Variants in STX8 observed in about 807,000 individuals in gnomAD.
STX8 encodes the protein syntaxin 8, also known as syntaxin-8.
A neutral mutation model predicts 37.5 loss-of-function variants in STX8; 23 were observed. The ratio of observed to expected loss-of-function variants is 0.61; its 90% confidence interval spans 0.44 to 0.87. The LOEUF (loss-of-function observed/expected upper bound fraction) is 0.87, where lower values mean the gene tolerates loss of function less well. Among genes scored for constraint, STX8 ranks in the 40% least tolerant of loss-of-function variants. The probability of loss-of-function intolerance (pLI) is 0.00; values close to 1 mark genes in which losing one functional copy is unlikely to be tolerated. For missense variants in STX8, 313 were observed against 284.7 expected (o/e 1.10, Z -0.71); for synonymous variants, 115 against 99.1 (o/e 1.16, Z -0.95).
Position 9,507,306 on chromosome 17 carries a change from A to G in STX8, c.324-2144T>C, listed in dbSNP as rs149733324. ...AGGCCAGCCAAGTAGCCATGTGTCC[A>G]TATCTCAGGCCTGAAAAACAGCCCA... On this transcript the variant is annotated intron_variant, in intron 4 of 7. Transcript: ENST00000306357. The surrounding 1 kb of genome is among the most constrained non-coding windows in gnomAD (Gnocchi z 4.0). Among the ~76,000 whole-genome samples, 598 of 152,052 alleles carry G rather than the reference A, an allele frequency of 3.9e-3. 4 individuals carry two copies. The highest frequency in any genetic ancestry group is 4.6e-3 in the Non-Finnish European group (315 of 67,968).
chr17:9,332,873 G>A (rs553800342), intron 7 of STX8, among the ~76,000 whole-genome samples: 52 of 152,212 alleles, frequency 3.4e-4, no homozygotes, highest in Non-Finnish European at 1.3e-4. Context: ...CACCCAAGAC[G>A]TATTTGCCTA....
At chr17:9,525,321 G>GCCC (rs1905518262) in intron 4 of STX8, among the ~76,000 whole-genome samples, 3 of 151,468 alleles carry the variant, frequency 2.0e-5, no homozygotes, top group Admixed American at 2.0e-4. Flanking sequence ...TCCCCCCACT[G>GCCC]CCCACATTGA....
At chr17:9,548,761 A>C (rs747676017) in intron 3 of STX8, among the ~76,000 whole-genome samples, 11 of 152,208 alleles carry the variant, frequency 7.2e-5, no homozygotes, top group Non-Finnish European at 1.3e-4. Context: ...ATTAAACCAA[A>C]GGAGGGGAAA....
rs372149421 is a variant in STX8 at position 9,428,235 on chromosome 17, CTTTTG to C, written c.542-49587_542-49583del. The stretch of plus-strand genomic sequence containing the variant: ...TATTCTACTTAGTCACCAGAAATGA[CTTTTG>C]TTTTGTTTTGTTTTGTTTTGAGATG... On this transcript the variant is annotated intron_variant, in intron 6 of 7. Transcript: ENST00000306357. Among the ~76,000 whole-genome samples, 1,509 of 152,086 alleles carry C rather than the reference CTTTTG, an allele frequency of 9.9e-3. 12 individuals are homozygous for C. The highest frequency in any genetic ancestry group is 0.014 in the Middle Eastern group (4 of 294).
At chr17:9,450,285 A>G (rs2142401100) in intron 6 of STX8, among the ~76,000 whole-genome samples, 1 of 151,594 alleles carries the variant, frequency 6.6e-6, no homozygotes, top group Non-Finnish European at 1.5e-5. Context: ...CATGTTGGCC[A>G]GGCTGGTCTC....
chr17:9,373,870 C>G (rs1911494975), intron 7 of STX8, among the ~76,000 whole-genome samples: 1 of 148,978 alleles, frequency 6.7e-6, no homozygotes, highest in Non-Finnish European at 1.5e-5. Context: ...ACCCGGAAGG[C>G]AGAGGTTGCA....
At chr17:9,520,986 T>C (rs1289997169) in intron 4 of STX8, among the ~76,000 whole-genome samples, 1 of 152,226 alleles carries the variant, frequency 6.6e-6, no homozygotes, top group Non-Finnish European at 1.5e-5. Context: ...TCTGCAAAGC[T>C]TCGTAACTAG....
intron 3 of STX8, chr17:9,547,246 C>CAAAAAAAAAAAAAAAAAAAAAAAAAA (rs11300957): frequency 5.4e-5 from 7 of 129,634 alleles, no homozygotes; most frequent in African/African-American, 2.1e-4. Context: ...GACTCTGTCT[C>CAAAAAAAAAAAAAAAAAAAAAAAAAA]AAAAAAAAAA....
chr17:9,547,627 CAA>C (rs11377271), intron 3 of STX8, among the ~76,000 whole-genome samples: 1 of 53,296 alleles, frequency 1.9e-5, no homozygotes, highest in Non-Finnish European at 3.3e-5. Flanking sequence ...GACTCCGTCT[CAA>C]AAAAAAAAAA....
rs757411419 is a variant in STX8 at position 9,471,031 on chromosome 17, C to CTTT, written c.541+20795_541+20797dup. ...TACAGGCGTGAGCCACTGCATCCTG[C>CTTT]TTTTTTTTTTTTTTTTTTTTTTTGA... On this transcript the variant is annotated intron_variant, in intron 6 of 7. Transcript: ENST00000306357. 7.7e-3 allele frequency among the ~76,000 whole-genome samples: 253 copies of CTTT among 33,042 alleles called. 59 individuals carry two copies. Among genetic ancestry groups the CTTT allele is most frequent in the Middle Eastern group, 0.077 (2 of 26 alleles). 21.7% of individuals were successfully genotyped at this position (33,042 alleles called of 152,430 possible).
intron 4 of STX8, among the ~76,000 whole-genome samples, chr17:9,542,384 C>A (rs1190265123): frequency 6.8e-6 from 1 of 146,744 alleles, no homozygotes; most frequent in East Asian, 2.1e-4. Flanking sequence ...AAAACAACAA[C>A]AAAAAAACAA....
intron 6 of STX8, among the ~76,000 whole-genome samples, chr17:9,433,258 T>C (rs1332459271): frequency 1.3e-5 from 2 of 152,224 alleles, no homozygotes; most frequent in African/African-American, 4.8e-5. Flanking sequence ...CTCCTTCACT[T>C]ATGATGAGCT....
At chr17:9,412,281 ATT>A (rs529582626) in intron 6 of STX8, among the ~76,000 whole-genome samples, 4 of 144,270 alleles carry the variant, frequency 2.8e-5, no homozygotes, top group African/African-American at 2.5e-5. Context: ...CACAGCAGCA[ATT>A]TTTTTTTTTT....
intron 7 of STX8, 65 bp from the exon 8 acceptor site, chr17:9,250,710 G>A: frequency 6.8e-7 from 1 of 1,478,664 alleles, no homozygotes; most frequent in African/African-American, 1.4e-5. Flanking sequence ...CACACATTCT[G>A]AGTGTCTGCA....
intron 2 of STX8, among the ~76,000 whole-genome samples, chr17:9,567,212 C>A (rs1465161356): frequency 6.6e-6 from 1 of 152,076 alleles, no homozygotes; most frequent in East Asian, 1.9e-4. Context: ...GGCTTCATAC[C>A]TGGGTGACAA....
intron 5 of STX8, among the ~76,000 whole-genome samples, chr17:9,499,127 T>G (rs8069740): frequency 0.26 from 39,166 of 152,074 alleles, 5,254 homozygotes; most frequent in South Asian, 0.39. Context: ...ACTGTAATTT[T>G]GGGATGATTT....
intron 5 of STX8, among the ~76,000 whole-genome samples, chr17:9,497,812 G>A (rs1238587826): frequency 1.3e-5 from 2 of 152,020 alleles, no homozygotes; most frequent in African/African-American, 4.8e-5. Flanking sequence ...CTAGTGGCAC[G>A]GAGCACCAAC....
intron 4 of STX8, among the ~76,000 whole-genome samples, chr17:9,543,895 G>A (rs1439481648): frequency 2.6e-5 from 4 of 152,120 alleles, no homozygotes; most frequent in Non-Finnish European, 5.9e-5. Flanking sequence ...GTTTCTTCAT[G>A]GAACCTTGGA....
At chr17:9,396,013 T>C (rs1912388925) in intron 6 of STX8, among the ~76,000 whole-genome samples, 1 of 152,098 alleles carries the variant, frequency 6.6e-6, no homozygotes, top group South Asian at 2.1e-4. Flanking sequence ...ACCTCATCAG[T>C]TTTCCTAGCC....
Sources: allele counts gnomAD v4.1 joint callset (sites outside exome capture counted in the v4.1 genomes callset), GRCh38; gene constraint gnomAD v4.1.1; non-coding constraint Gnocchi (gnomAD v3.1); transcripts MANE v1.5; gene names NCBI Gene and HGNC (gene_info 2026-07-23, HGNC 2026-07-21).